Variants in NOL4 observed in about 807,000 individuals in gnomAD.
NOL4 encodes the protein nucleolar protein 4, also known as cancer/testis antigen 125.
NOL4 carries 17 observed loss-of-function variants against 75.9 expected under a neutral mutation model. That is an observed-to-expected ratio of 0.22 (90% CI 0.15 to 0.34). NOL4 has a LOEUF of 0.34. Among genes scored for constraint, NOL4 ranks in the 10% least tolerant of loss-of-function variants. The pLI, the probability that NOL4 is intolerant of heterozygous loss-of-function variation, is 1.00. For missense variants in NOL4, 614 were observed against 793.5 expected, an observed-to-expected ratio of 0.77 and a Z score of 2.72; for synonymous variants, 292 against 289.9, an observed-to-expected ratio of 1.01 and a Z score of -0.07.
chr18:33,998,913 A>ATG (rs1250003854), intron 6 of NOL4, among the ~76,000 whole-genome samples: 1 of 152,042 alleles, frequency 6.6e-6, no homozygotes, highest in Non-Finnish European at 1.5e-5. Context: ...ATCACCATAT[A>ATG]CTTATAGTTG....
chr18:33,854,758 G>A lies in NOL4; in HGVS notation c.1724-1723C>T, dbSNP rs550611302. ...GCTGACTGTCATTATTTCATTACAA[G>A]GTGTAACATTTTGATGGTTTTTGCT... is the stretch of plus-strand genomic sequence containing the variant. On this transcript the variant is annotated intron_variant, in intron 10 of 10. Coordinates refer to ENST00000261592, the MANE Select transcript of NOL4 (RefSeq NM_003787.5). Among the ~76,000 whole-genome samples the A allele has an allele frequency of 3.3e-5, 5 of 151,468 alleles. No homozygotes were observed. In the South Asian group the frequency reaches 1.0e-3, roughly 32 times the overall value.
chr18:33,994,291 A>T (rs945273554), intron 6 of NOL4, among the ~76,000 whole-genome samples: 1 of 151,868 alleles, frequency 6.6e-6, no homozygotes, highest in Non-Finnish European at 1.5e-5. Flanking sequence ...TAAAAACAAC[A>T]TTATACTCCA....
chr18:33,976,264 A>G (rs2071480295), intron 6 of NOL4, among the ~76,000 whole-genome samples: 1 of 152,198 alleles, frequency 6.6e-6, no homozygotes, highest in African/African-American at 2.4e-5. Context: ...GTTTTCTGTC[A>G]GAGAAAAATT....
In NOL4 at chr18:33,924,487, C is replaced by T. The variant is rs541495895; in HGVS notation, c.1542+18578G>A. Among the ~76,000 whole-genome samples the T allele has an allele frequency of 2.6e-5, 4 of 152,250 alleles. 1 individual carries two copies. In the South Asian group the frequency reaches 8.3e-4, roughly 32 times the overall value. On this transcript the variant is annotated intron_variant, in intron 9 of 10. Coordinates refer to ENST00000261592, the MANE Select transcript of NOL4 (RefSeq NM_003787.5). ...CATTCTCAGGCACCAGCATTCCTATCGTGTGGTGGGCTTCTCACTCAAAGC... is the reference window on the plus strand; with the variant it reads ...CATTCTCAGGCACCAGCATTCCTATTGTGTGGTGGGCTTCTCACTCAAAGC...
At chr18:33,983,588 T>C (rs1197281762) in intron 6 of NOL4, among the ~76,000 whole-genome samples, 1 of 148,796 alleles carries the variant, frequency 6.7e-6, no homozygotes, top group Non-Finnish European at 1.5e-5. Flanking sequence ...TATATATAAA[T>C]AGGAGGTGCA....
At chr18:33,913,195 A>T (rs1325719005) in intron 9 of NOL4, among the ~76,000 whole-genome samples, 1 of 152,072 alleles carries the variant, frequency 6.6e-6, no homozygotes, top group Admixed American at 6.5e-5. Context: ...TGTTCAAATT[A>T]TCTTTCCATT....
At position 34,088,817 on chromosome 18, in the gene NOL4, T is replaced by G. The variant is rs149895002; in HGVS notation, c.772+4648A>C. Among the ~76,000 whole-genome samples the G allele has an allele frequency of 8.0e-3, 1,221 of 152,260 alleles. 8 individuals carry two copies. The highest frequency in any genetic ancestry group is 0.028 in the African/African-American group (1,159 of 41,566). On this transcript the variant is annotated intron_variant, in intron 5 of 10. Transcript: ENST00000261592. ...AGTTTCTAAGCATTTTTTGCCTTTA[T>G]GTTTTTATTGAGTTAGGGAAATATT... is the stretch of plus-strand genomic sequence containing the variant.
intron 10 of NOL4, among the ~76,000 whole-genome samples, chr18:33,881,978 T>G (rs866332878): frequency 0.017 from 2,630 of 152,158 alleles, 66 homozygotes; most frequent in African/African-American, 0.059. Flanking sequence ...TTAATAAATG[T>G]TGCTGGGAAA....
chr18:34,211,955 T>C (rs2036543861), intron 1 of NOL4, among the ~76,000 whole-genome samples: 1 of 152,152 alleles, frequency 6.6e-6, no homozygotes, highest in South Asian at 2.1e-4. Context: ...GTTAAAAAAA[T>C]AAAATTATAG....
intron 2 of NOL4, among the ~76,000 whole-genome samples, chr18:34,118,265 G>A (rs1032134540): frequency 1.3e-5 from 2 of 152,044 alleles, no homozygotes; most frequent in African/African-American, 2.4e-5. Flanking sequence ...TGCCCTTAAG[G>A]CCAAACTTCT....
intron 1 of NOL4, among the ~76,000 whole-genome samples, chr18:34,218,442 C>A (rs1256795906): frequency 1.3e-5 from 2 of 152,194 alleles, no homozygotes; most frequent in African/African-American, 4.8e-5. Flanking sequence ...AGTCTTCATA[C>A]ACGAACAGGG....
At chr18:33,889,821 T>C (rs1384211345) in intron 9 of NOL4, among the ~76,000 whole-genome samples, 3 of 152,150 alleles carry the variant, frequency 2.0e-5, no homozygotes, top group Non-Finnish European at 2.9e-5. Context: ...GAAAAGGCCT[T>C]TGACAAAATT....
intron 1 of NOL4, among the ~76,000 whole-genome samples, chr18:34,182,045 T>A (rs2034083300): frequency 6.6e-6 from 1 of 151,474 alleles, no homozygotes; most frequent in Non-Finnish European, 1.5e-5. Flanking sequence ...ACCCAACAAT[T>A]CCATTCCTGG....
At chr18:34,137,138 T>C (rs2080925270) in intron 1 of NOL4, among the ~76,000 whole-genome samples, 1 of 151,992 alleles carries the variant, frequency 6.6e-6, no homozygotes, top group South Asian at 2.1e-4. Context: ...AACCCATACA[T>C]AAAAATTAAA....
At chr18:33,939,033 A>T (rs2068271228) in intron 9 of NOL4, among the ~76,000 whole-genome samples, 1 of 152,126 alleles carries the variant, frequency 6.6e-6, no homozygotes, top group African/African-American at 2.4e-5. Flanking sequence ...TTAAATAGGG[A>T]ATCCTTTCCT....
At chr18:33,874,365 T>C (rs1049545129) in intron 10 of NOL4, among the ~76,000 whole-genome samples, 1 of 151,996 alleles carries the variant, frequency 6.6e-6, no homozygotes, top group Non-Finnish European at 1.5e-5. Flanking sequence ...ATGTTTGATA[T>C]GAAACATTCT....
chr18:34,178,635 G>T (rs1019123611), intron 1 of NOL4, among the ~76,000 whole-genome samples: 1 of 151,638 alleles, frequency 6.6e-6, no homozygotes, highest in African/African-American at 2.4e-5. Flanking sequence ...TGATAAAGTT[G>T]TCAAGCCATC....
intron 6 of NOL4, among the ~76,000 whole-genome samples, chr18:33,982,785 T>C (rs2072078157): frequency 6.7e-6 from 1 of 148,710 alleles, no homozygotes; most frequent in African/African-American, 2.5e-5. Context: ...AGTTTCACTC[T>C]TGTTCCCCAG....
chr18:34,095,617 G>A (rs2078741868), intron 4 of NOL4, among the ~76,000 whole-genome samples: 1 of 152,058 alleles, frequency 6.6e-6, no homozygotes. Flanking sequence ...AGTCACATGT[G>A]GAGTGAGGGC....
Sources: allele counts gnomAD v4.1 joint callset (sites outside exome capture counted in the v4.1 genomes callset), GRCh38; gene constraint gnomAD v4.1.1; transcripts MANE v1.5; gene names NCBI Gene and HGNC (gene_info 2026-07-23, HGNC 2026-07-21).